The following PXDNL variants were observed in gnomAD, a reference collection of about 807,000 sequenced individuals.
PXDNL encodes the protein peroxidasin like.
In PXDNL, 145 loss-of-function variants were observed where a neutral mutation model predicts 150.8. The observed-to-expected ratio is 0.96, with a 90% CI of 0.84 to 1.10. The LOEUF is 1.10. Ranked by LOEUF, PXDNL falls within the 50% of genes least tolerant of loss-of-function variation. The probability of loss-of-function intolerance (pLI) is 0.00; values close to 1 mark genes in which losing one functional copy is unlikely to be tolerated. For missense variants in PXDNL, 2,087 were observed against 1,873.9 expected (o/e 1.11, Z -2.10); for synonymous variants, 757 against 725.7 (o/e 1.04, Z -0.69).
At chr8:51,709,254 C>CTT (rs545270965) in intron 1 of PXDNL, among the ~76,000 whole-genome samples, 2 of 145,934 alleles carry the variant, frequency 1.4e-5, no homozygotes, top group African/African-American at 2.5e-5. Context: ...CCCCAAATCC[C>CTT]TTTTTTTTTT....
intron 1 of PXDNL, among the ~76,000 whole-genome samples, chr8:51,696,804 T>TCCACACACAGG (rs1563510271): frequency 1.5e-3 from 2 of 1,340 alleles, no homozygotes; most frequent in Non-Finnish European, 2.8e-3. Flanking sequence ...CACATAGGTC[T>TCCACACACAGG]TCACACACAC....
At chr8:51,765,828 A>G (rs929796456) in intron 1 of PXDNL, among the ~76,000 whole-genome samples, 6 of 140,510 alleles carry the variant, frequency 4.3e-5, no homozygotes, top group Non-Finnish European at 6.1e-5. Flanking sequence ...CTACTGTAGC[A>G]TTTTAATTCC....
At chr8:51,680,988 T>C (rs1271024552) in intron 1 of PXDNL, among the ~76,000 whole-genome samples, 6 of 20,168 alleles carry the variant, frequency 3.0e-4, no homozygotes, top group South Asian at 1.7e-3. Context: ...GTGGGACATG[T>C]TGTGGTTTTC....
chr8:51,343,575 T>C (rs1806054392), intron 20 of PXDNL, among the ~76,000 whole-genome samples: 1 of 152,154 alleles, frequency 6.6e-6, no homozygotes, highest in Non-Finnish European at 1.5e-5. Context: ...TATTAAGTGT[T>C]TCGGTAATAA....
chr8:51,592,837 C>A, intron 2 of PXDNL, 139 bp from the exon 3 acceptor site: 1 of 513,534 alleles, frequency 1.9e-6, no homozygotes, highest in Admixed American at 4.0e-5. Flanking sequence ...GAAATTTATA[C>A]TTTAATTCCC....
intron 1 of PXDNL, chr8:51,721,910 T>G (rs1816739798): frequency 3.7e-6 from 1 of 268,574 alleles, no homozygotes; most frequent in Non-Finnish European, 7.5e-6. Flanking sequence ...ATGGTGAAAG[T>G]GTTCCCAGAG....
At chr8:51,474,906 A>C (rs1304896626) in intron 7 of PXDNL, 66 bp downstream of exon 7, 1 of 1,328,048 alleles carries the variant, frequency 7.5e-7, no homozygotes, top group Non-Finnish European at 1.0e-6. Context: ...TTATATAATA[A>C]ACCTTTACAA....
intron 1 of PXDNL, among the ~76,000 whole-genome samples, chr8:51,765,033 C>T (rs2037212324): frequency 6.6e-6 from 1 of 152,136 alleles, no homozygotes; most frequent in South Asian, 2.1e-4. Flanking sequence ...TATTTTAAAA[C>T]AGTCTCCTTT....
intron 1 of PXDNL, among the ~76,000 whole-genome samples, chr8:51,740,197 T>C (rs1339853398): frequency 6.6e-6 from 1 of 152,220 alleles, no homozygotes; most frequent in African/African-American, 2.4e-5. Context: ...ATGATATGAT[T>C]ATATAATTTT....
intron 17 of PXDNL, among the ~76,000 whole-genome samples, chr8:51,396,373 C>T (rs1196573132): frequency 6.6e-6 from 1 of 152,228 alleles, no homozygotes; most frequent in Non-Finnish European, 1.5e-5. Context: ...GCCTTCCCGA[C>T]CAGAGTGCAG....
At chr8:51,559,821 A>T (rs1303248506) in intron 3 of PXDNL, among the ~76,000 whole-genome samples, 3 of 152,052 alleles carry the variant, frequency 2.0e-5, no homozygotes, top group African/African-American at 7.2e-5. Context: ...GAGAATTGGT[A>T]TTAACAGGAA....
At chr8:51,495,067 T>A (rs1811012126) in intron 5 of PXDNL, among the ~76,000 whole-genome samples, 1 of 151,878 alleles carries the variant, frequency 6.6e-6, no homozygotes, top group Non-Finnish European at 1.5e-5. Context: ...GAACAGAAAT[T>A]ACAACAAACT....
intron 3 of PXDNL, among the ~76,000 whole-genome samples, chr8:51,571,191 GTGGTCTTC>G (rs973660454): frequency 6.6e-6 from 1 of 151,552 alleles, no homozygotes; most frequent in Admixed American, 6.6e-5. Context: ...AGATTAGAGT[GTGGTCTTC>G]CAACAACAAA....
intron 1 of PXDNL, among the ~76,000 whole-genome samples, chr8:51,669,396 T>C (rs1815454284): frequency 6.6e-6 from 1 of 152,210 alleles, no homozygotes; most frequent in Non-Finnish European, 1.5e-5. Flanking sequence ...TACTGTACAA[T>C]TCATTGTAGT....
intron 1 of PXDNL, among the ~76,000 whole-genome samples, chr8:51,772,544 C>T (rs2037309879): frequency 6.6e-6 from 1 of 152,126 alleles, no homozygotes; most frequent in African/African-American, 2.4e-5. Flanking sequence ...ACCACCAGGC[C>T]AGGTCAGCCC....
chr8:51,648,216 C>T (rs961048806), intron 2 of PXDNL, among the ~76,000 whole-genome samples: 2 of 152,130 alleles, frequency 1.3e-5, no homozygotes, highest in African/African-American at 4.8e-5. Context: ...GAATAATGGC[C>T]ACCCAAAAAT....
intron 17 of PXDNL, among the ~76,000 whole-genome samples, chr8:51,375,939 A>G (rs1427557162): frequency 6.6e-6 from 1 of 152,238 alleles, no homozygotes. Flanking sequence ...CTTTATTTAC[A>G]AAATTAGAAA....
chr8:51,436,206 C>A (rs538632479), intron 12 of PXDNL: 1 of 522,026 alleles, frequency 1.9e-6, no homozygotes, highest in South Asian at 1.4e-5. Flanking sequence ...GCCAACCATT[C>A]GTGGGCCATG....
At chr8:51,371,071 C>G (rs1421304407) in intron 19 of PXDNL, among the ~76,000 whole-genome samples, 1 of 152,214 alleles carries the variant, frequency 6.6e-6, no homozygotes, top group Non-Finnish European at 1.5e-5. Context: ...GTGTCATTGG[C>G]GTCCAGAGGA....
Sources: allele counts gnomAD v4.1 joint callset (sites outside exome capture counted in the v4.1 genomes callset), GRCh38; gene constraint gnomAD v4.1.1; transcripts MANE v1.5; gene names NCBI Gene and HGNC (gene_info 2026-07-23, HGNC 2026-07-21).